Variants in SH3PXD2A observed in about 807,000 individuals in gnomAD.
SH3PXD2A encodes the protein SH3 and PX domains 2A.
In SH3PXD2A, 32 loss-of-function variants were observed where a neutral mutation model predicts 115.2. That is an observed-to-expected ratio of 0.28 (90% CI 0.21 to 0.37). The LOEUF (loss-of-function observed/expected upper bound fraction) is 0.37. Among genes scored for constraint, SH3PXD2A ranks in the 10% least tolerant of loss-of-function variants. The pLI is 1.00. For missense variants in SH3PXD2A, 1,328 were observed against 1,498.7 expected, an observed-to-expected ratio of 0.89 and a Z score of 1.88; for synonymous variants, 610 against 629.1, an observed-to-expected ratio of 0.97 and a Z score of 0.45.
intron 1 of SH3PXD2A, 143 bp downstream of exon 1, chr10:103,855,052 C>T: frequency 2.0e-6 from 1 of 491,594 alleles, no homozygotes; most frequent in Non-Finnish European, 3.6e-6. Flanking sequence ...GAGATCACAG[C>T]CCTGCGAAGA....
In SH3PXD2A at chr10:103,831,033, G is replaced by A. The variant is rs533291305; in HGVS notation, c.72+24162C>T. On this transcript the variant is annotated intron_variant, in intron 1 of 14. Transcript: ENST00000369774. ...AACAGTCATAATACAAGACAGGTGC[G>A]AAGCATCCTTCCAGTCTGTGTTTGC... Among the ~76,000 whole-genome samples the A allele has an allele frequency of 3.9e-5, 6 of 152,342 alleles. No homozygotes were observed. The East Asian group carries it at 7.7e-4, about 20-fold the overall frequency.
chr10:103,710,539 C>T (rs1285407545), intron 5 of SH3PXD2A, among the ~76,000 whole-genome samples: 14 of 152,206 alleles, frequency 9.2e-5, no homozygotes, highest in Non-Finnish European at 2.1e-4. Context: ...GGCCCACAGA[C>T]AGTCATCCTC....
In SH3PXD2A at chr10:103,656,885, G is replaced by A. The variant is rs2037221356; in HGVS notation, c.604+4098C>T. 2.0e-5 allele frequency among the ~76,000 whole-genome samples: 3 copies of A among 151,130 alleles called. No homozygotes were observed. In the South Asian group the frequency reaches 6.3e-4, roughly 32 times the overall value. On this transcript the variant is annotated intron_variant, in intron 8 of 14. Transcript: ENST00000369774. ...TAAGAGAGACAGAGAAGCTGCTTTGGCTCGTGCTGACTTTTGGTTCCCAGT... is the reference window on the plus strand; with the variant it reads ...TAAGAGAGACAGAGAAGCTGCTTTGACTCGTGCTGACTTTTGGTTCCCAGT...
At position 103,791,647 on chromosome 10, in the gene SH3PXD2A, C is replaced by T. The variant is rs80331168; in HGVS notation, c.153+9635G>A. On this transcript the variant is annotated intron_variant, in intron 2 of 14. Coordinates refer to ENST00000369774, the MANE Select transcript of SH3PXD2A (RefSeq NM_001394015.1). ...AGACCTCTCCTAGATGCTCTATCCCCGCTGCCACCACCTTCCTTCCGTACC... is the reference window on the plus strand; with the variant it reads ...AGACCTCTCCTAGATGCTCTATCCCTGCTGCCACCACCTTCCTTCCGTACC... Among the ~76,000 whole-genome samples, 1,403 of 151,984 alleles carry T rather than the reference C, an allele frequency of 9.2e-3. 25 individuals carry two copies. The highest frequency in any genetic ancestry group is 0.028 in the African/African-American group (1,172 of 41,420).
chr10:103,739,233 CTGAG>C, intron 3 of SH3PXD2A, among the ~76,000 whole-genome samples: 1 of 152,316 alleles, frequency 6.6e-6, no homozygotes, highest in Admixed American at 6.5e-5. Context: ...AGTCTGCACT[CTGAG>C]TGAGGCCACC....
intron 5 of SH3PXD2A, among the ~76,000 whole-genome samples, chr10:103,698,027 C>T (rs1325327177): frequency 6.6e-6 from 1 of 152,226 alleles, no homozygotes; most frequent in African/African-American, 2.4e-5. Context: ...GCTAAACAGA[C>T]AGCCCTGACC....
chr10:103,788,337 A>G (rs1416244200), intron 2 of SH3PXD2A, among the ~76,000 whole-genome samples: 1 of 152,154 alleles, frequency 6.6e-6, no homozygotes, highest in East Asian at 1.9e-4. Context: ...GCAAACCCAA[A>G]TAAGTCTGGC....
Position 103,603,836 on chromosome 10 carries a change from C to T in SH3PXD2A, c.1429-47G>A, listed in dbSNP as rs778129061. On this transcript the variant is annotated intron_variant, in intron 14 of 14. Coordinates refer to ENST00000369774, the MANE Select transcript of SH3PXD2A (RefSeq NM_001394015.1). Reference sequence around the variant, plus strand: ...GCCAGTGAGTTGGGAGGATCTGGAACCCTATGACATCCCAAGGTAGGAGTA... The same window carrying T: ...GCCAGTGAGTTGGGAGGATCTGGAATCCTATGACATCCCAAGGTAGGAGTA... 5 of 1,528,260 alleles carry T rather than the reference C, an allele frequency of 3.3e-6. No individual in the cohort carries two copies. The South Asian group carries it at 3.8e-5, about 12-fold the overall frequency. 94.7% of individuals were successfully genotyped at this position (1,528,260 alleles called of 1,614,324 possible).
chr10:103,696,997 G>A (rs1440951485), intron 5 of SH3PXD2A, among the ~76,000 whole-genome samples: 3 of 152,088 alleles, frequency 2.0e-5, no homozygotes, highest in African/African-American at 7.2e-5. Flanking sequence ...AAGGACTCCT[G>A]GGGCCTCTAC....
rs530890644 is a variant in SH3PXD2A, at chr10:103,735,453, G to T, written c.306+279C>A. Among the ~76,000 whole-genome samples, 5 of 152,342 alleles carry T rather than the reference G, an allele frequency of 3.3e-5. No homozygotes were observed. The South Asian group carries it at 1.0e-3, about 32-fold the overall frequency. Reference sequence around the variant, plus strand: ...CTCTTTGACTTAGCTCCTGAGCTCAGTTCACTTCCCAGAGGAAGTGACTTA... The same window carrying T: ...CTCTTTGACTTAGCTCCTGAGCTCATTTCACTTCCCAGAGGAAGTGACTTA... On this transcript the variant is annotated intron_variant, in intron 4 of 14. Transcript: ENST00000369774.
Position 103,603,041 on chromosome 10 carries a change from G to A in SH3PXD2A, c.2177C>T (p.Ala726Val). The change falls in exon 15 of 15, where the codon GCA becomes GTA. Residue 726 changes from alanine to valine, a missense_variant. Ala to Val is a moderately conservative substitution (Grantham distance 64, BLOSUM62 0). Around this residue, in one of 5 missense-constraint regions of SH3PXD2A, gnomAD observed 574 missense variants for 565.7 expected, o/e 1.01. Transcript: ENST00000369774. ...GACCTTGGGAGTGCCGCGGATGCCT[G>A]CGTCCGAAGCAGAGCGGGGCTTCAG... ...GDLKPRSASD[A>V]GIRGTPKVRA... 1 of 1,614,042 alleles carries A rather than the reference G, an allele frequency of 6.2e-7. No individual in the cohort carries two copies. The highest frequency in any genetic ancestry group is 8.5e-7 in the Non-Finnish European group (1 of 1,180,052).
chr10:103,658,716 T>G (rs2037247347), intron 8 of SH3PXD2A, among the ~76,000 whole-genome samples: 1 of 152,096 alleles, frequency 6.6e-6, no homozygotes, highest in African/African-American at 2.4e-5. Context: ...GATACGAAAC[T>G]CCCAGAAGTA....
At chr10:103,761,869 T>C (rs1232943779) in intron 3 of SH3PXD2A, among the ~76,000 whole-genome samples, 1 of 152,108 alleles carries the variant, frequency 6.6e-6, no homozygotes, top group Non-Finnish European at 1.5e-5. Context: ...GAATCGCGGC[T>C]CTGCTGCTGT....
In SH3PXD2A at chr10:103,756,830, G is replaced by A. The variant is rs1222914372; in HGVS notation, c.229+10264C>T. Among the ~76,000 whole-genome samples the A allele has an allele frequency of 6.6e-6, 1 of 152,126 alleles. No homozygotes were observed. The highest frequency in any genetic ancestry group is 2.4e-5 in the African/African-American group (1 of 41,432). ...TTCCCTCCACCCAGGGCCCAGCCTA[G>A]GCCAAGTCACCTTTGCCCTCTCACC... On this transcript the variant is annotated intron_variant, in intron 3 of 14. Coordinates refer to ENST00000369774, the MANE Select transcript of SH3PXD2A (RefSeq NM_001394015.1). This position sits in a 1 kb window ranked among gnomAD's most constrained non-coding sequence, Gnocchi z 4.4.
At chr10:103,786,085 G>A (rs987436228) in intron 2 of SH3PXD2A, among the ~76,000 whole-genome samples, 2 of 151,990 alleles carry the variant, frequency 1.3e-5, no homozygotes, top group African/African-American at 4.8e-5. Context: ...GCAAGGAAAC[G>A]AACATACAGA....
At chr10:103,826,330 G>A (rs961776962) in intron 1 of SH3PXD2A, among the ~76,000 whole-genome samples, 7 of 152,074 alleles carry the variant, frequency 4.6e-5, no homozygotes, top group African/African-American at 1.4e-4. Context: ...AGAGAGGTTC[G>A]GTGACTTGCC....
intron 6 of SH3PXD2A, among the ~76,000 whole-genome samples, chr10:103,672,872 A>G (rs2037482401): frequency 6.6e-6 from 1 of 152,220 alleles, no homozygotes; most frequent in African/African-American, 2.4e-5. Context: ...CACAGCCCAT[A>G]GTGCTCATGT....
In SH3PXD2A at chr10:103,602,077, G is replaced by A. The variant is rs1191857800; in HGVS notation, c.3141C>T (p.Pro1047=). The stretch of plus-strand genomic sequence containing the variant: ...ACACGGGTATGCTGTTGCGCTGGGC[G>A]GGCAGTAGGGGTGAGTCTGAACCCT... The part of the protein sequence containing the change: ...ASQGSDSPLL[P]AQRNSIPVSP... The change falls in exon 15 of 15, where the codon CCC becomes CCT. Residue 1047 remains proline, a synonymous_variant. Transcript: ENST00000369774. 1.6e-5 allele frequency: 26 copies of A among 1,600,950 alleles called. No homozygotes were observed. Among genetic ancestry groups the A allele is most frequent in the East Asian group, 2.2e-5 (1 of 44,744 alleles).
At chr10:103,799,110 C>T (rs1366126519) in intron 2 of SH3PXD2A, among the ~76,000 whole-genome samples, 3 of 152,210 alleles carry the variant, frequency 2.0e-5, no homozygotes, top group Non-Finnish European at 2.9e-5. Flanking sequence ...TACGTGGTGA[C>T]AGCCAGTAAC....
Sources: gnomAD v4.1 joint callset for allele counts (sites outside exome capture counted in the v4.1 genomes callset) on GRCh38, gnomAD v4.1.1 for gene constraint, gnomAD v4.1.1 regional missense constraint, Gnocchi (gnomAD v3.1) non-coding constraint, MANE v1.5 for transcripts, NCBI Gene and HGNC (gene_info 2026-07-23, HGNC 2026-07-21) for gene names.